The following PCTP variants were observed in gnomAD, a reference collection of about 807,000 sequenced individuals.
The protein encoded by PCTP is START domain-containing protein 2.
In PCTP, 27 loss-of-function variants were observed where a neutral mutation model predicts 31.0. The ratio of observed to expected loss-of-function variants is 0.87; its 90% CI spans 0.64 to 1.20. The LOEUF is 1.20. PCTP is among the 50% of genes most tolerant of loss of function. The probability of loss-of-function intolerance (pLI) is 0.00; values close to 1 mark genes in which losing one functional copy is unlikely to be tolerated. For synonymous variants in PCTP, 108 were observed against 101.2 expected (o/e 1.07, Z -0.40); for missense variants, 287 against 268.2 (o/e 1.07, Z -0.49).
In PCTP at chr17:55,752,643, T is replaced by C. The variant is rs567215020; in HGVS notation, c.141+1399T>C. Among the ~76,000 whole-genome samples, 3 of 152,320 alleles carry C rather than the reference T, an allele frequency of 2.0e-5. No homozygotes were observed. In the East Asian group the frequency reaches 5.8e-4, roughly 29 times the overall value. ...GCTATTTGGAATACTTACAAATTAGTAGGGCTGGCCTTTACATAATCCAGA... is the reference window on the plus strand; with the variant it reads ...GCTATTTGGAATACTTACAAATTAGCAGGGCTGGCCTTTACATAATCCAGA... On this transcript the variant is annotated intron_variant, in intron 1 of 5. Transcript: ENST00000268896.
chr17:55,751,619 G>T, intron 1 of PCTP: 1 of 785,324 alleles, frequency 1.3e-6, no homozygotes, highest in Non-Finnish European at 1.8e-6. Flanking sequence ...GGGCTGGGGT[G>T]GGGGAGGGGC....
downstream of PCTP, among the ~76,000 whole-genome samples, chr17:55,824,415 T>C (rs1013147788): frequency 1.3e-5 from 2 of 152,162 alleles, no homozygotes; most frequent in African/African-American, 4.8e-5. Flanking sequence ...TTTAGAGTTA[T>C]TCCTTGTTCC....
chr17:55,774,751 A>C, intron 4 of PCTP, 41 bp from the exon 5 acceptor site: 1 of 1,506,012 alleles, frequency 6.6e-7, no homozygotes, highest in Non-Finnish European at 9.2e-7. Flanking sequence ...TTTTTCTGGT[A>C]TTTTTCCTTT....
downstream of PCTP, among the ~76,000 whole-genome samples, chr17:55,781,832 G>C (rs575350999): frequency 6.6e-6 from 1 of 152,268 alleles, no homozygotes; most frequent in African/African-American, 2.4e-5. Flanking sequence ...GTTTGTGTAA[G>C]TATACACTAT....
At chr17:55,809,002 A>G (rs1912665284) in intron 3 of PCTP, among the ~76,000 whole-genome samples, 1 of 152,244 alleles carries the variant, frequency 6.6e-6, no homozygotes, top group Admixed American at 6.5e-5. Flanking sequence ...TACACAATGC[A>G]AAGTGAGCAA....
chr17:55,841,843 T>C (rs1264361236), intron 5 of PCTP, among the ~76,000 whole-genome samples: 1 of 152,222 alleles, frequency 6.6e-6, no homozygotes, highest in Non-Finnish European at 1.5e-5. Context: ...ACTGTTTTAA[T>C]GTTCTCTCTC....
intron 5 of PCTP, among the ~76,000 whole-genome samples, chr17:55,831,411 CT>C (rs1183146052): frequency 6.6e-6 from 1 of 152,172 alleles, no homozygotes; most frequent in African/African-American, 2.4e-5. Flanking sequence ...TCACACCTGG[CT>C]CCATGCCCTC....
chr17:55,773,991 C>T (rs1040899914), intron 4 of PCTP, 96 bp downstream of exon 4: 117 of 1,381,484 alleles, frequency 8.5e-5, no homozygotes, highest in Non-Finnish European at 1.0e-4. Context: ...GAAGCGTATC[C>T]CTGAAGGTCA....
At chr17:55,773,433 T>A (rs79099539) in intron 3 of PCTP, among the ~76,000 whole-genome samples, 5,487 of 152,224 alleles carry the variant, frequency 0.036, 314 homozygotes, top group African/African-American at 0.12. Context: ...CTCTGTCATC[T>A]CCCAGTGCCT....
At chr17:55,803,350 A>G (rs189948482) in intron 3 of PCTP, among the ~76,000 whole-genome samples, 1 of 152,348 alleles carries the variant, frequency 6.6e-6, no homozygotes, top group East Asian at 1.9e-4. Flanking sequence ...ACAAAATTAG[A>G]AAAAACTACT....
chr17:55,783,131 G>C (rs1408084131), intron 2 of PCTP, among the ~76,000 whole-genome samples: 1 of 152,176 alleles, frequency 6.6e-6, no homozygotes, highest in South Asian at 2.1e-4. Flanking sequence ...AGGGAACACT[G>C]AGGACAAATT....
At chr17:55,775,922 C>A in intron 5 of PCTP, 113 bp from the exon 6 acceptor site, 1 of 1,488,442 alleles carries the variant, frequency 6.7e-7, no homozygotes, top group Non-Finnish European at 8.9e-7. Context: ...GTTAGGGAGC[C>A]TATTCATTTT....
At chr17:55,786,804 T>C (rs1432334019) in intron 2 of PCTP, among the ~76,000 whole-genome samples, 2 of 152,204 alleles carry the variant, frequency 1.3e-5, no homozygotes, top group African/African-American at 4.8e-5. Flanking sequence ...ATCTGAGAGC[T>C]ATCACTGTGG....
In PCTP at chr17:55,811,356, A is replaced by G. The variant is rs1048391940; in HGVS notation, c.318-11405A>G. Among the ~76,000 whole-genome samples the G allele has an allele frequency of 2.6e-5, 4 of 152,180 alleles. No homozygotes were observed. The East Asian group carries it at 5.8e-4, about 22-fold the overall frequency. On this transcript the variant is annotated intron_variant, in intron 3 of 3. Coordinates refer to the PCTP transcript ENST00000572536. ...ATGTTCTCTTCCAAGCACTTTTCAC[A>G]TATTATCTCATTTAATCCTGACAAC...
At chr17:55,771,081 A>G (rs767451385) in intron 2 of PCTP, 25 bp from the exon 3 acceptor site, 1 of 1,587,972 alleles carries the variant, frequency 6.3e-7, no homozygotes, top group Non-Finnish European at 8.6e-7. Context: ...TTCCAGATGC[A>G]TTAACTTCTT....
intron 3 of PCTP, among the ~76,000 whole-genome samples, chr17:55,822,390 CTCT>C (rs1913143108): frequency 6.6e-6 from 1 of 152,156 alleles, no homozygotes; most frequent in South Asian, 2.1e-4. Context: ...CTGTGGCCTT[CTCT>C]TCTTGGACAA....
chr17:55,839,869 G>C (rs1407010120), intron 5 of PCTP, among the ~76,000 whole-genome samples: 2 of 125,882 alleles, frequency 1.6e-5, no homozygotes, highest in Non-Finnish European at 3.1e-5. Flanking sequence ...GCAGTGAGCC[G>C]AGATCCCGCC....
At chr17:55,815,767 G>A (rs1438290823) in intron 3 of PCTP, among the ~76,000 whole-genome samples, 1 of 152,154 alleles carries the variant, frequency 6.6e-6, no homozygotes, top group Non-Finnish European at 1.5e-5. Context: ...CTGCCAACAG[G>A]TTCAAGTCTG....
At chr17:55,762,007 T>C (rs1910364315) in intron 1 of PCTP, among the ~76,000 whole-genome samples, 1 of 152,170 alleles carries the variant, frequency 6.6e-6, no homozygotes, top group African/African-American at 2.4e-5. Flanking sequence ...GGAAAAGTGC[T>C]TTGCCGATAA....
Sources: gnomAD v4.1 joint callset for allele counts (sites outside exome capture counted in the v4.1 genomes callset) on GRCh38, gnomAD v4.1.1 for gene constraint, MANE v1.5 for transcripts, NCBI Gene and HGNC (gene_info 2026-07-23, HGNC 2026-07-21) for gene names.